The following CEP290 variants were observed in gnomAD, a reference collection of about 807,000 sequenced individuals.
The protein encoded by CEP290 is centrosomal protein 290.
In CEP290, 317 loss-of-function variants were observed where a neutral mutation model predicts 344.9. That is an observed-to-expected ratio of 0.92 (90% CI 0.84 to 1.01). CEP290 has a LOEUF of 1.01. Ranked by LOEUF, CEP290 falls within the 50% of genes least tolerant of loss-of-function variation. The pLI is 0.00. For missense variants in CEP290, 2,754 were observed against 2,761.4 expected (o/e 1.00, Z 0.06); for synonymous variants, 932 against 895.8 (o/e 1.04, Z -0.72).
chr12:88,138,333 CA>C (rs2040453996), intron 5 of CEP290, among the ~76,000 whole-genome samples: 1 of 152,196 alleles, frequency 6.6e-6, no homozygotes, highest in South Asian at 2.1e-4. Flanking sequence ...AACACTAACA[CA>C]GAACTGATCC....
intron 28 of CEP290, 130 bp downstream of exon 28, chr12:88,093,640 T>C: frequency 1.6e-6 from 1 of 614,918 alleles, no homozygotes; most frequent in South Asian, 2.4e-5. Flanking sequence ...ATTTATTTAT[T>C]ACACAAAACA....
chr12:88,141,057 T>C (rs756751557), intron 2 of CEP290, 24 bp from the exon 3 acceptor site: 1 of 1,523,248 alleles, frequency 6.6e-7, no homozygotes, highest in South Asian at 1.3e-5. Context: ...AAAGCAACTG[T>C]TTTATATTTT....
intron 44 of CEP290, among the ~76,000 whole-genome samples, chr12:88,066,086 T>C (rs568209371): frequency 6.6e-6 from 1 of 152,006 alleles, no homozygotes; most frequent in South Asian, 2.1e-4. Flanking sequence ...TAAATCACTT[T>C]CAGCCATTTT....
intron 26 of CEP290, among the ~76,000 whole-genome samples, chr12:88,100,147 G>A (rs907269724): frequency 6.6e-6 from 1 of 151,914 alleles, no homozygotes; most frequent in African/African-American, 2.4e-5. Context: ...GTGGGCACCT[G>A]TAATTCCAGC....
Position 88,062,677 on chromosome 12 carries a change from TAAATTC to T in CEP290, c.6357+9_6357+14del, listed in dbSNP as rs1295355611. On this transcript the variant is annotated intron_variant, in intron 46 of 53. Transcript: ENST00000552810. ...TGCTGAAACCAAAACAAATGTATGG[TAAATTC>T]TCACATACCCCTCTAACATGGCCAA... 1.3e-6 allele frequency: 2 copies of T among 1,569,478 alleles called. No individual in the cohort carries two copies. The highest frequency in any genetic ancestry group is 3.5e-5 in the Admixed American group (2 of 57,814).
chr12:88,111,060 A>G, intron 22 of CEP290, 142 bp downstream of exon 22: 1 of 437,186 alleles, frequency 2.3e-6, no homozygotes, highest in Non-Finnish European at 4.0e-6. Flanking sequence ...CTAAATATTG[A>G]GAAAAGTACT....
intron 23 of CEP290, among the ~76,000 whole-genome samples, chr12:88,107,775 G>C (rs569802519): frequency 9.9e-5 from 15 of 152,080 alleles, no homozygotes; most frequent in African/African-American, 3.6e-4. Context: ...GGTGGCACAT[G>C]CCTGTAATCT....
chr12:88,070,994 C>T (rs1384900043), intron 43 of CEP290, among the ~76,000 whole-genome samples: 2 of 152,030 alleles, frequency 1.3e-5, no homozygotes, highest in African/African-American at 4.8e-5. Flanking sequence ...GGAACCACAG[C>T]CCAAGAAATG....
chr12:88,059,955 G>C lies in CEP290; in HGVS notation c.6588C>G (p.Thr2196=), dbSNP rs2136726321. Residue 2196 remains threonine, a synonymous_variant, in exon 48 of 54, where the codon ACC becomes ACG. Coordinates refer to ENST00000552810, the MANE Select transcript of CEP290 (RefSeq NM_025114.4). ...CAGCAATAATTTTTTCTGTGCCTTT[G>C]GTCTTGGATTCATAGTGCATGCTCA... ...HQLSMHYESK[T]KGTEKIIAEN... 1 of 1,590,100 alleles carries C rather than the reference G, an allele frequency of 6.3e-7. No individual in the cohort carries two copies. The highest frequency in any genetic ancestry group is 1.8e-5 in the Admixed American group (1 of 56,412).
chr12:88,109,790 C>T (rs2038547705), intron 22 of CEP290, among the ~76,000 whole-genome samples: 1 of 152,082 alleles, frequency 6.6e-6, no homozygotes, highest in African/African-American at 2.4e-5. Context: ...CCAGTTGGTA[C>T]TCTCTAATCT....
At chr12:88,135,677 A>G (rs986639981) in intron 6 of CEP290, 1 of 152,160 alleles carries the variant, frequency 6.6e-6, no homozygotes, top group African/African-American at 2.4e-5. Context: ...TTACAAATCA[A>G]TTTATGATAC....
chr12:88,106,042 C>T (rs994946038), intron 25 of CEP290, among the ~76,000 whole-genome samples: 23 of 152,178 alleles, frequency 1.5e-4, no homozygotes, highest in Admixed American at 7.2e-4. Context: ...AGGCATGAGC[C>T]ACCATACTTG....
chr12:88,114,520 A>G lies in CEP290; in HGVS notation c.1952T>C (p.Met651Thr), dbSNP rs772165172. 1.0e-5 allele frequency: 16 copies of G among 1,541,974 alleles called. No homozygotes were observed. Among genetic ancestry groups the G allele is most frequent in the Non-Finnish European group, 1.4e-5 (16 of 1,143,284 alleles). ...VEENKQLEEG[M>T]KEILQAIKEM... ...CTTAATTGCTTGCAATATTTCTTTC[A>G]TACCTTCTTCAAGTTGCTTATTTTC... Residue 651 changes from methionine (M) to threonine (T), a missense_variant, in exon 20 of 54, where the codon ATG becomes ACG. By Grantham distance (81) the Met-to-Thr change is moderately conservative. Coordinates refer to ENST00000552810, the MANE Select transcript of CEP290 (RefSeq NM_025114.4).
At chr12:88,059,102 C>T in intron 48 of CEP290, 82 bp from the exon 49 acceptor site, 2 of 1,207,946 alleles carry the variant, frequency 1.7e-6, no homozygotes, top group South Asian at 3.4e-5. Flanking sequence ...ATTATCATTA[C>T]AAATTGGAAA....
intron 52 of CEP290, among the ~76,000 whole-genome samples, chr12:88,051,010 C>T (rs1333529720): frequency 6.6e-6 from 1 of 152,110 alleles, no homozygotes; most frequent in Non-Finnish European, 1.5e-5. Context: ...TCCAAGTTAA[C>T]ACCTCTAACT....
chr12:88,112,125 C>A (rs999475664), intron 20 of CEP290, among the ~76,000 whole-genome samples: 1 of 152,132 alleles, frequency 6.6e-6, no homozygotes, highest in East Asian at 1.9e-4. Context: ...AACAACCAGA[C>A]GGGAATAAGA....
chr12:88,110,931 C>T (rs964721711), intron 22 of CEP290, among the ~76,000 whole-genome samples: 7 of 152,042 alleles, frequency 4.6e-5, no homozygotes, highest in African/African-American at 1.2e-4. Flanking sequence ...ACATGCTGCT[C>T]ATGCAGATGA....
intron 49 of CEP290, among the ~76,000 whole-genome samples, chr12:88,057,656 T>C (rs920369105): frequency 1.3e-5 from 2 of 152,172 alleles, no homozygotes; most frequent in African/African-American, 2.4e-5. Context: ...CTGGGTACTC[T>C]AGGTTTAGTA....
intron 26 of CEP290, among the ~76,000 whole-genome samples, chr12:88,098,609 C>CAA (rs34122000): frequency 7.5e-4 from 102 of 136,456 alleles, no homozygotes; most frequent in African/African-American, 2.6e-3. Flanking sequence ...GACCCTGACT[C>CAA]AAAAAAAAAA....
Sources: gnomAD v4.1 joint callset for allele counts (sites outside exome capture counted in the v4.1 genomes callset) on GRCh38, gnomAD v4.1.1 for gene constraint, MANE v1.5 for transcripts, NCBI Gene and HGNC (gene_info 2026-07-23, HGNC 2026-07-21) for gene names.